Variants in RPTOR observed in about 807,000 individuals in gnomAD.
RPTOR encodes regulatory-associated protein of mTOR.
A neutral mutation model predicts 169.9 loss-of-function variants in RPTOR; 21 were observed. That is an observed-to-expected ratio of 0.12 (90% CI 0.09 to 0.18). The LOEUF (loss-of-function observed/expected upper bound fraction) is 0.18. Among genes scored for constraint, RPTOR ranks in the 10% least tolerant of loss-of-function variants. The pLI is 1.00. For synonymous variants in RPTOR, 732 were observed against 753.2 expected, an observed-to-expected ratio of 0.97 and a Z score of 0.46; for missense variants, 1,133 against 1,855.9, an observed-to-expected ratio of 0.61 and a Z score of 7.16.
Position 80,757,038 on chromosome 17 carries a change from G to A in RPTOR, c.830+2853G>A, listed in dbSNP as rs143542129. Reference sequence around the variant, plus strand: ...AGGAGAGACACTGCTGGAGCCAAATGAATGGCCTGGAAGACTACAGTGGGG... The same window carrying A: ...AGGAGAGACACTGCTGGAGCCAAATAAATGGCCTGGAAGACTACAGTGGGG... On this transcript the variant is annotated intron_variant, in intron 6 of 33. Coordinates refer to ENST00000306801, the MANE Select transcript of RPTOR (RefSeq NM_020761.3). 1.4e-3 allele frequency among the ~76,000 whole-genome samples: 207 copies of A among 152,250 alleles called. 1 individual carries two copies. The highest frequency in any genetic ancestry group is 4.7e-3 in the African/African-American group (197 of 41,564).
At chr17:80,617,034 A>T (rs1203152627) in intron 1 of RPTOR, among the ~76,000 whole-genome samples, 1 of 152,170 alleles carries the variant, frequency 6.6e-6, no homozygotes. Flanking sequence ...CCATGAAAAA[A>T]ATTTTTGACT....
At chr17:80,582,058 TG>T (rs1413818234) in intron 1 of RPTOR, among the ~76,000 whole-genome samples, 2 of 152,208 alleles carry the variant, frequency 1.3e-5, no homozygotes, top group African/African-American at 4.8e-5. Context: ...CCATGGCTTC[TG>T]AGGGCCAGCT....
chr17:80,882,613 C>G (rs962258732), intron 14 of RPTOR, among the ~76,000 whole-genome samples: 3 of 152,180 alleles, frequency 2.0e-5, no homozygotes, highest in Non-Finnish European at 4.4e-5. Context: ...TTTACTCCTT[C>G]CGAACCCCAC....
intron 3 of RPTOR, among the ~76,000 whole-genome samples, chr17:80,677,595 G>C (rs111345123): frequency 3.0e-4 from 46 of 152,084 alleles, no homozygotes; most frequent in African/African-American, 1.1e-3. Context: ...TCACCAGACT[G>C]CAGCCTGACT....
chr17:80,689,879 A>G (rs2065976337), intron 3 of RPTOR, among the ~76,000 whole-genome samples: 1 of 152,174 alleles, frequency 6.6e-6, no homozygotes, highest in Non-Finnish European at 1.5e-5. Context: ...TTTGCTAAAA[A>G]CACATTTAAT....
chr17:80,910,219 GGCCTGGGACT>G (rs1305283072), intron 21 of RPTOR, among the ~76,000 whole-genome samples: 120 of 152,292 alleles, frequency 7.9e-4, no homozygotes, highest in African/African-American at 2.8e-3. Flanking sequence ...TCTGCACTGT[GGCCTGGGACT>G]GCCTGAAACT....
chr17:80,549,781 C>T (rs145871601), intron 1 of RPTOR, among the ~76,000 whole-genome samples: 32 of 152,312 alleles, frequency 2.1e-4, no homozygotes, highest in African/African-American at 7.5e-4. Flanking sequence ...TGTCTACACA[C>T]ATGTAGACTG....
At chr17:80,940,749 C>A in intron 25 of RPTOR, 148 bp downstream of exon 25, 1 of 609,370 alleles carries the variant, frequency 1.6e-6, no homozygotes, top group South Asian at 1.9e-5. Flanking sequence ...CACCCCACCT[C>A]CCTTGCAGAT....
At chr17:80,872,339 T>C (rs2068060584) in intron 13 of RPTOR, among the ~76,000 whole-genome samples, 1 of 151,988 alleles carries the variant, frequency 6.6e-6, no homozygotes, top group African/African-American at 2.4e-5. Flanking sequence ...TCAGAATGGG[T>C]TTTACTCCGG....
At position 80,823,187 on chromosome 17, in the gene RPTOR, G is replaced by A. The variant is rs1187233769; in HGVS notation, c.1100G>A (p.Ser367Asn). The change falls in exon 9 of 34, where the codon AGC (serine) becomes AAC (asparagine). Residue 367 changes from serine to asparagine, a missense_variant. By Grantham distance (46) the Ser-to-Asn change is conservative. Around this residue, in one of 9 missense-constraint regions of RPTOR, gnomAD observed 289 missense variants for 585.8 expected, o/e 0.49. Coordinates refer to ENST00000306801, the MANE Select transcript of RPTOR (RefSeq NM_020761.3). This position sits in a 1 kb window ranked among gnomAD's most constrained non-coding sequence, Gnocchi z 4.5. ...MRSYNCTPVS[S>N]PRLPPTYMHA... The stretch of plus-strand genomic sequence containing the variant: ...TCGTATAACTGCACTCCCGTCAGCA[G>A]CCCGCGTCTGCCGCCCACGTACATG... The A allele has an allele frequency of 6.2e-7, 1 of 1,614,182 alleles. No homozygotes were observed. Among genetic ancestry groups the A allele is most frequent in the South Asian group, 1.1e-5 (1 of 91,078 alleles).
At chr17:80,585,581 C>T (rs1049571312) in intron 1 of RPTOR, among the ~76,000 whole-genome samples, 1 of 152,178 alleles carries the variant, frequency 6.6e-6, no homozygotes, top group African/African-American at 2.4e-5. Context: ...GGTCCTACAG[C>T]CCCGGGCACA....
chr17:80,782,240 G>A (rs962052622), intron 6 of RPTOR, among the ~76,000 whole-genome samples: 9 of 152,134 alleles, frequency 5.9e-5, no homozygotes, highest in Non-Finnish European at 7.3e-5. Flanking sequence ...AAATTGACAC[G>A]GTGGACTCTG....
At chr17:80,905,834 G>T (rs1334628138) in intron 20 of RPTOR, among the ~76,000 whole-genome samples, 1 of 152,200 alleles carries the variant, frequency 6.6e-6, no homozygotes, top group African/African-American at 2.4e-5. Context: ...TGCCGTGCCT[G>T]CCCTGGGTTC....
chr17:80,832,534 G>C (rs115436501), intron 9 of RPTOR, among the ~76,000 whole-genome samples: 120 of 152,324 alleles, frequency 7.9e-4, no homozygotes, highest in African/African-American at 2.7e-3. Context: ...ACAAGGGCAG[G>C]GAGGGAGGCA....
intron 6 of RPTOR, among the ~76,000 whole-genome samples, chr17:80,766,463 C>T (rs575985315): frequency 6.6e-6 from 1 of 152,326 alleles, no homozygotes; most frequent in South Asian, 2.1e-4. Context: ...GATCCTCCTG[C>T]TTTAGCCTCC....
chr17:80,711,744 C>CTTTTTTTTTTTTTTTTTTTTTTTTTTTT lies in RPTOR; in HGVS notation c.507+3761_507+3762insTTTTTTTTTTTTTTTTTTTTTTTTTTTT, dbSNP rs1226456124. Reference sequence around the variant, plus strand: ...AGTTAACATATAGTTATACATCAGTCTTTTTTTTTTTTTTTTGAGGTTAAG... The same window carrying CTTTTTTTTTTTTTTTTTTTTTTTTTTTT: ...AGTTAACATATAGTTATACATCAGTCTTTTTTTTTTTTTTTTTTTTTTTTTTTTTTTTTTTTTTTTTTTTGAGGTTAAG... On this transcript the variant is annotated intron_variant, in intron 4 of 33. Transcript: ENST00000306801. 1.1e-3 allele frequency among the ~76,000 whole-genome samples: 100 copies of CTTTTTTTTTTTTTTTTTTTTTTTTTTTT among 88,820 alleles called. 34 individuals carry two copies. The highest frequency in any genetic ancestry group is 4.2e-3 in the African/African-American group (66 of 15,640). The allele number at this position is 88,820 out of a possible 152,430, so 58.3% of individuals were successfully genotyped here. A position where few individuals can be genotyped will look rare whatever the true frequency, so the allele number is the denominator to read the frequency against.
intron 6 of RPTOR, among the ~76,000 whole-genome samples, chr17:80,760,812 C>T (rs977305554): frequency 2.7e-5 from 4 of 146,936 alleles, no homozygotes; most frequent in Non-Finnish European, 6.0e-5. Context: ...ATAAGAGAAA[C>T]GGTTTCTAAG....
intron 9 of RPTOR, among the ~76,000 whole-genome samples, chr17:80,830,299 C>T (rs1336954440): frequency 6.6e-6 from 1 of 152,170 alleles, no homozygotes; most frequent in Non-Finnish European, 1.5e-5. Flanking sequence ...CCGACCCCGC[C>T]CCGCCCCAAC....
At chr17:80,935,034 A>T (rs965964217) in intron 24 of RPTOR, among the ~76,000 whole-genome samples, 7 of 152,016 alleles carry the variant, frequency 4.6e-5, no homozygotes, top group Admixed American at 6.6e-5. Context: ...AAAAAAAAAA[A>T]AGGCATTATA....
Sources: gnomAD v4.1 joint callset for allele counts (sites outside exome capture counted in the v4.1 genomes callset) on GRCh38, gnomAD v4.1.1 for gene constraint, gnomAD v4.1.1 regional missense constraint, Gnocchi (gnomAD v3.1) non-coding constraint, MANE v1.5 for transcripts, NCBI Gene and HGNC (gene_info 2026-07-23, HGNC 2026-07-21) for gene names.